Variants in MTMR7 observed in about 807,000 individuals in gnomAD.
MTMR7 encodes myotubularin related protein 7.
MTMR7 carries 76 observed loss-of-function variants against 81.2 expected under a neutral mutation model. The observed-to-expected ratio is 0.94, with a 90% CI of 0.78 to 1.13. The LOEUF is 1.13. Among genes scored for constraint, MTMR7 ranks in the 50% most tolerant of loss-of-function variants. MTMR7 has a pLI of 0.00. For missense variants in MTMR7, 1,044 were observed against 820.0 expected (o/e 1.27, Z -3.34); for synonymous variants, 372 against 289.8 (o/e 1.28, Z -2.88).
chr8:17,400,134 G>T (rs909103440), intron 1 of MTMR7, among the ~76,000 whole-genome samples: 3 of 152,130 alleles, frequency 2.0e-5, no homozygotes, highest in Non-Finnish European at 4.4e-5. Flanking sequence ...TTACTGTTGA[G>T]ATTGAATTTA....
At chr8:17,384,438 A>T (rs924976280) in intron 1 of MTMR7, among the ~76,000 whole-genome samples, 5 of 152,194 alleles carry the variant, frequency 3.3e-5, no homozygotes, top group Admixed American at 1.3e-4. Context: ...AATAATTATT[A>T]ACAAACATAT....
intron 1 of MTMR7, among the ~76,000 whole-genome samples, chr8:17,407,765 T>A (rs545646574): frequency 2.6e-5 from 4 of 152,166 alleles, no homozygotes; most frequent in Non-Finnish European, 4.4e-5. Context: ...TGTACCCAAA[T>A]ATTAAAAGTG....
intron 4 of MTMR7, among the ~76,000 whole-genome samples, chr8:17,353,363 T>A (rs527377967): frequency 5.3e-5 from 8 of 152,140 alleles, no homozygotes; most frequent in Admixed American, 2.6e-4. Flanking sequence ...TCTATTATAG[T>A]ACAAGAATGT....
chr8:17,393,676 C>A (rs1821167525), intron 1 of MTMR7, among the ~76,000 whole-genome samples: 1 of 150,978 alleles, frequency 6.6e-6, no homozygotes, highest in Non-Finnish European at 1.5e-5. Flanking sequence ...TCATGGGGAA[C>A]AACACACACT....
chr8:17,361,583 CA>C (rs1297545431), intron 3 of MTMR7, among the ~76,000 whole-genome samples: 2 of 152,140 alleles, frequency 1.3e-5, no homozygotes, highest in Non-Finnish European at 2.9e-5. Flanking sequence ...CAGACCACAT[CA>C]AATATGGAAC....
intron 9 of MTMR7, among the ~76,000 whole-genome samples, chr8:17,309,848 C>T (rs928177648): frequency 6.6e-6 from 1 of 152,114 alleles, no homozygotes; most frequent in East Asian, 1.9e-4. Context: ...CTTTTCTACA[C>T]ATTATAAGAA....
chr8:17,372,402 A>C (rs934640385), intron 2 of MTMR7, among the ~76,000 whole-genome samples: 4 of 152,158 alleles, frequency 2.6e-5, no homozygotes, highest in African/African-American at 9.7e-5. Flanking sequence ...CCTGGACAAC[A>C]TAGTGAAACC....
Position 17,305,871 on chromosome 8 carries a change from A to G in MTMR7, c.1238T>C (p.Phe413Ser). 2 of 1,613,730 alleles carry G rather than the reference A, an allele frequency of 1.2e-6. No individual in the cohort carries two copies. Among genetic ancestry groups the G allele is most frequent in the South Asian group, 2.2e-5 (2 of 91,072 alleles). ...IECVWQLMEQFPCAFEFNERF... is the reference protein window; with the variant it reads ...IECVWQLMEQSPCAFEFNERF... ...CTCATTGAACTCAAAGGCACAGGGA[A>G]ATTGTTCCATTAACTGCCAAACACA... The change falls in exon 11 of 14, where the codon TTT becomes TCT. Residue 413 changes from phenylalanine to serine, a missense_variant. Physicochemically the swap from Phe to Ser is radical, Grantham distance 155. Transcript: ENST00000180173.
At chr8:17,370,300 T>C (rs569549490) in intron 3 of MTMR7, among the ~76,000 whole-genome samples, 86 of 151,760 alleles carry the variant, frequency 5.7e-4, no homozygotes, top group African/African-American at 2.0e-3. Context: ...GCAGGTAGAT[T>C]ACTTGAGGCC....
intron 1 of MTMR7, among the ~76,000 whole-genome samples, chr8:17,388,368 T>C (rs1821009370): frequency 6.6e-6 from 1 of 152,212 alleles, no homozygotes; most frequent in African/African-American, 2.4e-5. Flanking sequence ...ATGCTGGTTC[T>C]TTGTAACTCA....
chr8:17,405,356 G>A (rs1456882111), intron 1 of MTMR7, among the ~76,000 whole-genome samples: 3 of 152,116 alleles, frequency 2.0e-5, no homozygotes, highest in African/African-American at 7.2e-5. Context: ...CACCAGGAGG[G>A]AGAAGCTTTA....
intron 1 of MTMR7, among the ~76,000 whole-genome samples, chr8:17,407,945 T>G (rs1264992017): frequency 6.6e-6 from 1 of 152,156 alleles, no homozygotes; most frequent in African/African-American, 2.4e-5. Flanking sequence ...CAGACAGAAC[T>G]TGAAAATGAG....
intron 9 of MTMR7, among the ~76,000 whole-genome samples, chr8:17,309,553 C>T (rs1817673974): frequency 6.6e-6 from 1 of 152,192 alleles, no homozygotes; most frequent in African/African-American, 2.4e-5. Flanking sequence ...TATAAAAATG[C>T]AGGAACCCCA....
chr8:17,309,758 A>C (rs1817683178), intron 9 of MTMR7, among the ~76,000 whole-genome samples: 1 of 152,096 alleles, frequency 6.6e-6, no homozygotes. Context: ...CCCTATCTCA[A>C]CCAATGTGTG....
chr8:17,380,751 T>C (rs760479274), intron 1 of MTMR7, among the ~76,000 whole-genome samples: 32 of 152,202 alleles, frequency 2.1e-4, no homozygotes, highest in Non-Finnish European at 4.0e-4. Flanking sequence ...TTTGAGGTCA[T>C]TGTAGAATTG....
chr8:17,311,781 C>A, intron 8 of MTMR7, 145 bp from the exon 9 acceptor site: 1 of 1,288,730 alleles, frequency 7.8e-7, no homozygotes, highest in South Asian at 1.4e-5. Flanking sequence ...AGGGCCCCCC[C>A]TAATTAGGGC....
intron 1 of MTMR7, among the ~76,000 whole-genome samples, chr8:17,384,264 A>G (rs1473345820): frequency 1.3e-5 from 2 of 152,064 alleles, no homozygotes; most frequent in Admixed American, 6.6e-5. Flanking sequence ...ATAAAATAAT[A>G]TCTAGGCATA....
chr8:17,360,872 G>A (rs1187020932), intron 4 of MTMR7, among the ~76,000 whole-genome samples: 1 of 152,148 alleles, frequency 6.6e-6, no homozygotes, highest in Non-Finnish European at 1.5e-5. Flanking sequence ...GGCCTCTCTG[G>A]GTTTCAAGTT....
intron 1 of MTMR7, among the ~76,000 whole-genome samples, chr8:17,398,207 C>T (rs1821318384): frequency 6.6e-6 from 1 of 152,068 alleles, no homozygotes; most frequent in Non-Finnish European, 1.5e-5. Flanking sequence ...AACCAAGGCA[C>T]CAGGAAACAA....
Sources: gnomAD v4.1 joint callset for allele counts (sites outside exome capture counted in the v4.1 genomes callset) on GRCh38, gnomAD v4.1.1 for gene constraint, MANE v1.5 for transcripts, NCBI Gene and HGNC (gene_info 2026-07-23, HGNC 2026-07-21) for gene names.